KLRG1: variants seen among roughly 807,000 people sequenced by gnomAD.
KLRG1 encodes killer cell lectin-like receptor subfamily G member 1.
Under a neutral mutation model 21.8 loss-of-function variants are expected in KLRG1, and 16 were observed. That is an observed-to-expected ratio of 0.73 (90% confidence interval 0.50 to 1.11). The LOEUF (loss-of-function observed/expected upper bound fraction) is 1.11. Ranked by LOEUF, KLRG1 falls within the 50% of genes most tolerant of loss-of-function variation. KLRG1 has a pLI of 0.00. For missense variants in KLRG1, 173 were observed against 218.3 expected (o/e 0.79, Z 1.31); for synonymous variants, 69 against 75.9 (o/e 0.91, Z 0.47).
At chr12:9,206,207 A>C in the KLRG1 span, among the ~76,000 whole-genome samples, 1 of 151,858 alleles carries the variant, frequency 6.6e-6, no homozygotes, top group Non-Finnish European at 1.5e-5. Flanking sequence ...CATCCCCATC[A>C]AAAAATTTTT....
At chr12:9,171,963 C>T in the KLRG1 span, among the ~76,000 whole-genome samples, 1 of 152,076 alleles carries the variant, frequency 6.6e-6, no homozygotes. Context: ...CAAGACAGGC[C>T]AACATTCAAA....
At chr12:9,065,852 G>C in the KLRG1 span, 1 of 152,360 alleles carries the variant, frequency 6.6e-6, no homozygotes, top group Non-Finnish European at 1.5e-5. Flanking sequence ...AGAGAGGATG[G>C]GAAGACAATG....
chr12:9,071,039 T>C, the KLRG1 span, among the ~76,000 whole-genome samples: 59,167 of 151,728 alleles, frequency 0.39, 12,545 homozygotes, highest in African/African-American at 0.54. Flanking sequence ...AGGCTGGTCT[T>C]GAACTCCCGA....
the KLRG1 span, chr12:9,079,202 C>G: frequency 1.3e-6 from 2 of 1,490,024 alleles, no homozygotes. Context: ...TGTAAAAGAG[C>G]TGGCACACAA....
the KLRG1 span, chr12:9,204,044 G>A: frequency 1.6e-6 from 2 of 1,232,494 alleles, no homozygotes; most frequent in Non-Finnish European, 2.3e-6. Context: ...GTATTAATTG[G>A]TGCAATCAGT....
chr12:9,112,494 C>G, the KLRG1 span: 23 of 1,613,776 alleles, frequency 1.4e-5, no homozygotes, highest in South Asian at 2.2e-4. Context: ...TTCACTTGGA[C>G]AGTGAGGAAC....
chr12:8,995,474 C>T (rs1212795797), intron 3 of KLRG1, among the ~76,000 whole-genome samples, 186 bp downstream of exon 3: 1 of 152,110 alleles, frequency 6.6e-6, no homozygotes, highest in Admixed American at 6.5e-5. Flanking sequence ...CTTCTTCCCT[C>T]TCCCTCCCCA....
chr12:9,191,263 A>G, the KLRG1 span, among the ~76,000 whole-genome samples: 1 of 152,266 alleles, frequency 6.6e-6, no homozygotes, highest in East Asian at 1.9e-4. Flanking sequence ...TACATAGACC[A>G]GTATTAGAAG....
At chr12:9,195,129 T>A in the KLRG1 span, among the ~76,000 whole-genome samples, 1 of 152,146 alleles carries the variant, frequency 6.6e-6, no homozygotes, top group Non-Finnish European at 1.5e-5. Context: ...ATATTTAAGG[T>A]GATGAATATC....
intron 1 of KLRG1, among the ~76,000 whole-genome samples, chr12:8,965,470 A>T (rs1339258242): frequency 6.6e-6 from 1 of 152,238 alleles, no homozygotes; most frequent in African/African-American, 2.4e-5. Context: ...CCTCAAGCTG[A>T]TAAGCAACTT....
downstream of KLRG1, among the ~76,000 whole-genome samples, chr12:9,011,293 G>GT (rs1947629568): frequency 6.6e-6 from 1 of 152,124 alleles, no homozygotes. Context: ...TTACTTCCTG[G>GT]TTGCTTATTT....
the KLRG1 span, among the ~76,000 whole-genome samples, chr12:9,060,165 C>T: frequency 5.9e-5 from 9 of 151,760 alleles, no homozygotes; most frequent in South Asian, 6.3e-4. Context: ...CCACCACATC[C>T]GGCTAATTTT....
At chr12:8,953,028 C>G (rs1946230772) in intron 1 of KLRG1, among the ~76,000 whole-genome samples, 1 of 137,074 alleles carries the variant, frequency 7.3e-6, no homozygotes, top group Non-Finnish European at 1.6e-5. Context: ...CAACCAGGGA[C>G]CCGTCCATAG....
intron 1 of KLRG1, among the ~76,000 whole-genome samples, chr12:8,984,234 G>A (rs1329535699): frequency 2.0e-5 from 3 of 151,782 alleles, no homozygotes; most frequent in South Asian, 2.1e-4. Context: ...ATGGAGTCTC[G>A]CTCTGTCACC....
the KLRG1 span, chr12:9,169,315 G>A: frequency 1.9e-6 from 2 of 1,054,368 alleles, no homozygotes; most frequent in Non-Finnish European, 2.6e-6. Flanking sequence ...ATTTTTGTCT[G>A]CTGAAAAATG....
the KLRG1 span, among the ~76,000 whole-genome samples, chr12:9,034,445 A>C: frequency 6.6e-6 from 1 of 150,806 alleles, no homozygotes. Flanking sequence ...AATATACCAT[A>C]CTTTTTTTTT....
At chr12:9,063,425 A>G in the KLRG1 span, among the ~76,000 whole-genome samples, 1 of 152,212 alleles carries the variant, frequency 6.6e-6, no homozygotes, top group Non-Finnish European at 1.5e-5. Flanking sequence ...AATACAAACT[A>G]TACATAAAAC....
chr12:9,210,202 T>C, the KLRG1 span, among the ~76,000 whole-genome samples: 2 of 152,178 alleles, frequency 1.3e-5, no homozygotes, highest in Admixed American at 6.5e-5. Flanking sequence ...CAGTTTATTA[T>C]ATATTTACCA....
At chr12:9,097,486 A>T in the KLRG1 span, among the ~76,000 whole-genome samples, 1 of 152,172 alleles carries the variant, frequency 6.6e-6, no homozygotes, top group African/African-American at 2.4e-5. Flanking sequence ...TTCTTCTATT[A>T]GCTCCATATT....
Sources: gnomAD v4.1 joint callset for allele counts (sites outside exome capture counted in the v4.1 genomes callset) on GRCh38, gnomAD v4.1.1 for gene constraint, MANE v1.5 for transcripts, NCBI Gene and HGNC (gene_info 2026-07-23, HGNC 2026-07-21) for gene names.